UBE3C: variants seen among roughly 807,000 people sequenced by gnomAD.
UBE3C encodes the protein ubiquitin protein ligase E3C, also known as ubiquitin-protein ligase E3C.
UBE3C carries 42 observed loss-of-function variants against 129.4 expected under a neutral mutation model. The observed-to-expected ratio is 0.32, with a 90% CI of 0.25 to 0.42. The LOEUF is 0.42. UBE3C is among the 10% of genes least tolerant of loss of function. UBE3C has a pLI of 1.00. For synonymous variants in UBE3C, 510 were observed against 492.4 expected, an observed-to-expected ratio of 1.04 and a Z score of -0.47; for missense variants, 1,049 against 1,319.1, an observed-to-expected ratio of 0.80 and a Z score of 3.17.
chr7:157,254,373 A>C, intron 21 of UBE3C, 63 bp downstream of exon 21: 1 of 988,198 alleles, frequency 1.0e-6, no homozygotes, highest in Non-Finnish European at 1.4e-6. Flanking sequence ...TTCCAAAGTA[A>C]TTTTTATTTT....
chr7:157,238,586 C>T (rs1044754153), intron 18 of UBE3C, among the ~76,000 whole-genome samples: 3 of 151,984 alleles, frequency 2.0e-5, no homozygotes, highest in Admixed American at 2.0e-4. Flanking sequence ...AAGGTGCGGG[C>T]AGGAGCAGGT....
At chr7:157,192,925 C>A (rs1268179134) in intron 10 of UBE3C, 4 of 655,538 alleles carry the variant, frequency 6.1e-6, no homozygotes, top group Non-Finnish European at 1.1e-5. Flanking sequence ...GCCACTTTCC[C>A]CCATTTTAAT....
intron 22 of UBE3C, among the ~76,000 whole-genome samples, chr7:157,264,417 A>T (rs1797016573): frequency 1.4e-5 from 2 of 142,702 alleles, no homozygotes; most frequent in Non-Finnish European, 3.1e-5. Context: ...ACACACACAC[A>T]CACACACCTG....
intron 18 of UBE3C, among the ~76,000 whole-genome samples, chr7:157,234,211 C>G (rs1181206164): frequency 6.6e-6 from 1 of 151,730 alleles, no homozygotes; most frequent in Non-Finnish European, 1.5e-5. Context: ...GTGTTTTTTT[C>G]TTTTATTGCT....
intron 18 of UBE3C, among the ~76,000 whole-genome samples, chr7:157,245,393 G>A (rs1796446625): frequency 1.3e-5 from 2 of 152,194 alleles, no homozygotes; most frequent in African/African-American, 4.8e-5. Context: ...CAATCATGTA[G>A]TTGTATGCAG....
In UBE3C at chr7:157,163,796, C is replaced by T. The variant is rs1554422296; in HGVS notation, c.67-14C>T. 2 of 1,607,586 alleles carry T rather than the reference C, an allele frequency of 1.2e-6. No homozygotes were observed. The highest frequency in any genetic ancestry group is 1.3e-5 in the African/African-American group (1 of 74,512). Reference sequence around the variant, plus strand: ...ATTATAACCTTACCTCCTTTTTTCTCTGTTTGGGTGTAGGAGGAAAAGGCT... The same window carrying T: ...ATTATAACCTTACCTCCTTTTTTCTTTGTTTGGGTGTAGGAGGAAAAGGCT... On this transcript the variant is annotated splice_polypyrimidine_tract_variant and intron_variant, in intron 1 of 22. Coordinates refer to ENST00000348165, the MANE Select transcript of UBE3C (RefSeq NM_014671.3).
chr7:157,258,981 A>ATC (rs1240446110), intron 22 of UBE3C, among the ~76,000 whole-genome samples: 1 of 152,216 alleles, frequency 6.6e-6, no homozygotes, highest in African/African-American at 2.4e-5. Context: ...TTCCCTAAAT[A>ATC]TCTCAGCACA....
chr7:157,240,844 G>A (rs1283020469), intron 18 of UBE3C, among the ~76,000 whole-genome samples: 1 of 152,174 alleles, frequency 6.6e-6, no homozygotes, highest in African/African-American at 2.4e-5. Context: ...GGAACTGGTA[G>A]CTAAGGTGGA....
chr7:157,229,115 C>T lies in UBE3C; in HGVS notation c.2234-1965C>T, dbSNP rs115693941. On this transcript the variant is annotated intron_variant, in intron 17 of 22. Coordinates refer to ENST00000348165, the MANE Select transcript of UBE3C (RefSeq NM_014671.3). ...TGTACACTACGTGCGGTTGCTTTCC[C>T]CTGACTTCATGCAGCAGCCTGTCCC... Among the ~76,000 whole-genome samples the T allele has an allele frequency of 3.3e-3, 507 of 152,264 alleles. 2 individuals are homozygous for T. Among genetic ancestry groups the T allele is most frequent in the African/African-American group, 0.011 (472 of 41,534 alleles).
chr7:157,154,940 G>A (rs1430625551), intron 1 of UBE3C, among the ~76,000 whole-genome samples: 2 of 152,160 alleles, frequency 1.3e-5, no homozygotes, highest in Non-Finnish European at 2.9e-5. Context: ...GAAATGAAAT[G>A]CTGTTAATGC....
intron 13 of UBE3C, among the ~76,000 whole-genome samples, chr7:157,209,582 C>G (rs932140261): frequency 2.0e-5 from 3 of 152,092 alleles, no homozygotes; most frequent in Non-Finnish European, 4.4e-5. Context: ...TATTTGTTTT[C>G]CTTTCAATAT....
chr7:157,170,488 A>G, intron 4 of UBE3C, 38 bp downstream of exon 4: 2 of 1,472,836 alleles, frequency 1.4e-6, no homozygotes, highest in Non-Finnish European at 1.8e-6. Flanking sequence ...CCTCGTTTAC[A>G]CGTGTTCTGC....
chr7:157,150,462 C>G (rs534081405), intron 1 of UBE3C, among the ~76,000 whole-genome samples: 1 of 151,988 alleles, frequency 6.6e-6, no homozygotes, highest in Admixed American at 6.6e-5. Flanking sequence ...AAAATTTATT[C>G]TAGTGAACTA....
intron 13 of UBE3C, among the ~76,000 whole-genome samples, chr7:157,212,576 A>C (rs934460872): frequency 6.6e-6 from 1 of 152,186 alleles, no homozygotes; most frequent in Non-Finnish European, 1.5e-5. Context: ...TTAATTTACA[A>C]TGTTTACCTT....
chr7:157,147,705 T>C (rs1807645717), intron 1 of UBE3C, among the ~76,000 whole-genome samples: 1 of 152,190 alleles, frequency 6.6e-6, no homozygotes, highest in Non-Finnish European at 1.5e-5. Flanking sequence ...TTTATCAAAT[T>C]GGGGAAATTC....
intron 11 of UBE3C, 43 bp downstream of exon 11, chr7:157,201,850 G>A (rs75125615): frequency 0.01 from 15,611 of 1,517,126 alleles, 85 homozygotes; most frequent in Non-Finnish European, 0.013. Flanking sequence ...AAGGGCACAG[G>A]AAGTGGCAGC....
rs111368151 is a variant in UBE3C at position 157,155,709 on chromosome 7, C to T, written c.67-8101C>T. Among the ~76,000 whole-genome samples the T allele has an allele frequency of 5.0e-3, 764 of 152,136 alleles. 5 individuals carry two copies. The highest frequency in any genetic ancestry group is 8.6e-3 in the African/African-American group (355 of 41,504). Reference sequence around the variant, plus strand: ...TTGAAATCATCTTGGTAAGACAAAACGAAAAGAAAATCACCTTGGTAAATG... The same window carrying T: ...TTGAAATCATCTTGGTAAGACAAAATGAAAAGAAAATCACCTTGGTAAATG... On this transcript the variant is annotated intron_variant, in intron 1 of 22. Transcript: ENST00000348165.
chr7:157,160,069 C>CTT (rs953257266), intron 1 of UBE3C, among the ~76,000 whole-genome samples: 1 of 147,386 alleles, frequency 6.8e-6, no homozygotes. Context: ...TCCGTAGTTA[C>CTT]TTTTTTTTTT....
intron 14 of UBE3C, among the ~76,000 whole-genome samples, chr7:157,219,114 G>C (rs1365428310): frequency 1.3e-5 from 2 of 152,184 alleles, no homozygotes; most frequent in Non-Finnish European, 2.9e-5. Context: ...GAGATGACCA[G>C]GGCGGTGCCA....
Sources: allele counts gnomAD v4.1 joint callset (sites outside exome capture counted in the v4.1 genomes callset), GRCh38; gene constraint gnomAD v4.1.1; transcripts MANE v1.5; gene names NCBI Gene and HGNC (gene_info 2026-07-23, HGNC 2026-07-21).